The following MICAL2 variants were observed in gnomAD, a reference collection of about 807,000 sequenced individuals.
MICAL2 encodes microtubule associated monooxygenase, calponin and LIM domain containing 2.
MICAL2 carries 77 observed loss-of-function variants against 127.3 expected under a neutral mutation model. The observed-to-expected ratio is 0.60, with a 90% CI of 0.50 to 0.73. The LOEUF (loss-of-function observed/expected upper bound fraction) is 0.73. Ranked by LOEUF, MICAL2 falls within the 30% of genes least tolerant of loss-of-function variation. The pLI, the probability that MICAL2 is intolerant of heterozygous loss-of-function variation, is 0.00. For synonymous variants in MICAL2, 570 were observed against 551.1 expected (o/e 1.03, Z -0.48); for missense variants, 1,351 against 1,434.4 (o/e 0.94, Z 0.94).
intron 3 of MICAL2, among the ~76,000 whole-genome samples, chr11:12,168,249 CAT>C (rs139752162): frequency 0.023 from 3,495 of 151,558 alleles, 60 homozygotes; most frequent in Non-Finnish European, 0.035. Context: ...CACATACACA[CAT>C]AGATACACAA....
chr11:12,209,073 T>C (rs1002980531), intron 5 of MICAL2, among the ~76,000 whole-genome samples: 5 of 152,190 alleles, frequency 3.3e-5, no homozygotes, highest in African/African-American at 1.2e-4. Flanking sequence ...ATTTTGAGCA[T>C]ACAATAGAAA....
Position 12,304,086 on chromosome 11 carries a change from A to G in MICAL2, c.5212+9229A>G, listed in dbSNP as rs189920167. The stretch of plus-strand genomic sequence containing the variant: ...TGATATGATTTTTGAAATTGGTGGT[A>G]AATAAAATATATTAAAATTAATTTT... On this transcript the variant is annotated intron_variant, in intron 29 of 34. Coordinates refer to the MICAL2 transcript ENST00000646065. Among the ~76,000 whole-genome samples the G allele has an allele frequency of 3.9e-5, 6 of 152,368 alleles. No individual in the cohort carries two copies. In the East Asian group the frequency reaches 9.6e-4, roughly 24 times the overall value.
chr11:12,276,139 G>A (rs373035049), exon 1 of MICAL2: 38 of 399,252 alleles, frequency 9.5e-5, no homozygotes, highest in African/African-American at 2.9e-4. Context: ...CTGGCTGTGC[G>A]TGTCCTGGTC....
intron 7 of MICAL2, among the ~76,000 whole-genome samples, chr11:12,214,957 A>C (rs527715432): frequency 4.3e-4 from 66 of 152,332 alleles, no homozygotes; most frequent in African/African-American, 1.5e-3. Context: ...TTAGTTGTTG[A>C]GCAAGATTGT....
intron 1 of MICAL2, among the ~76,000 whole-genome samples, chr11:12,279,491 C>G (rs373883874): frequency 6.6e-6 from 1 of 152,198 alleles, no homozygotes; most frequent in African/African-American, 2.4e-5. Context: ...CTGGATCACA[C>G]AGCCTTCAGA....
At chr11:12,152,116 C>T (rs529788627) in intron 2 of MICAL2, among the ~76,000 whole-genome samples, 39 of 144,678 alleles carry the variant, frequency 2.7e-4, no homozygotes, top group African/African-American at 9.2e-4. Flanking sequence ...GGTGAAACCC[C>T]GTCTCTACTA....
At chr11:12,324,101 G>T in intron 31 of MICAL2, 1 of 1,596,302 alleles carries the variant, frequency 6.3e-7, no homozygotes, top group Non-Finnish European at 8.5e-7. Flanking sequence ...TGAGTGAGTG[G>T]GCCTGGGTCC....
chr11:12,147,217 A>AT (rs1232046905), intron 2 of MICAL2, among the ~76,000 whole-genome samples: 1 of 151,878 alleles, frequency 6.6e-6, no homozygotes, highest in East Asian at 1.9e-4. Context: ...AATAATAATA[A>AT]AAAAAAGAAA....
intron 16 of MICAL2, 23 bp from the exon 17 acceptor site, chr11:12,239,413 G>A: frequency 1.2e-6 from 2 of 1,613,552 alleles, no homozygotes; most frequent in Non-Finnish European, 1.7e-6. Flanking sequence ...CCAACCATCA[G>A]TGTCCCGTTT....
chr11:12,122,328 T>C (rs547013006), intron 1 of MICAL2, among the ~76,000 whole-genome samples: 1 of 152,238 alleles, frequency 6.6e-6, no homozygotes, highest in African/African-American at 2.4e-5. Context: ...ACAGGAGCCT[T>C]GGAGCACAGA....
chr11:12,248,819 A>G (rs1459131148), intron 21 of MICAL2, among the ~76,000 whole-genome samples: 1 of 71,646 alleles, frequency 1.4e-5, no homozygotes, highest in Non-Finnish European at 3.2e-5. Context: ...TCCTCCTTCT[A>G]TCCTGGGAAT....
chr11:12,150,525 G>A (rs1339265969), intron 2 of MICAL2, among the ~76,000 whole-genome samples: 2 of 152,166 alleles, frequency 1.3e-5, no homozygotes, highest in South Asian at 2.1e-4. Flanking sequence ...GCTGCTCTGG[G>A]TGGGGCGGCT....
chr11:12,340,046 TTCAGCCATCTTGGCTCTACCTTC>T (rs1237492525), intron 32 of MICAL2, among the ~76,000 whole-genome samples: 1 of 152,222 alleles, frequency 6.6e-6, no homozygotes, highest in Non-Finnish European at 1.5e-5. Flanking sequence ...GCTGTTCCAA[TTCAGCCATCTTGGCTCTACCTTC>T]CAGAATATTT....
intron 1 of MICAL2, chr11:12,116,805 T>C (rs1400113736): frequency 2.0e-5 from 3 of 152,232 alleles, no homozygotes; most frequent in African/African-American, 4.8e-5. Context: ...GTGATGACCA[T>C]GTATGGAATA....
intron 2 of MICAL2, among the ~76,000 whole-genome samples, chr11:12,281,332 C>G (rs951719407): frequency 1.3e-5 from 2 of 152,306 alleles, no homozygotes; most frequent in African/African-American, 4.8e-5. Context: ...GAAGACATCA[C>G]GGGGACTGGC....
chr11:12,325,835 C>A (rs1212248436), intron 31 of MICAL2, among the ~76,000 whole-genome samples: 2 of 152,184 alleles, frequency 1.3e-5, no homozygotes, highest in Non-Finnish European at 2.9e-5. Context: ...CTCTAAGAAC[C>A]AGATAGCTGT....
At chr11:12,331,627 C>G (rs903264410) in intron 32 of MICAL2, among the ~76,000 whole-genome samples, 1 of 152,172 alleles carries the variant, frequency 6.6e-6, no homozygotes, top group African/African-American at 2.4e-5. Context: ...GTGTCCTGGA[C>G]AGAGCACAGG....
intron 1 of MICAL2, among the ~76,000 whole-genome samples, chr11:12,111,794 C>A (rs185875761): frequency 2.7e-4 from 41 of 152,316 alleles, no homozygotes; most frequent in African/African-American, 9.4e-4. Context: ...GGCGAATTGG[C>A]CCTCCAGTGT....
intron 22 of MICAL2, chr11:12,254,336 C>G (rs1185246405): frequency 6.6e-6 from 1 of 152,268 alleles, no homozygotes; most frequent in Non-Finnish European, 1.5e-5. Context: ...AGGAACTGAG[C>G]TCAGAAGTTC....
Sources: allele counts gnomAD v4.1 joint callset (sites outside exome capture counted in the v4.1 genomes callset), GRCh38; gene constraint gnomAD v4.1.1; transcripts MANE v1.5; gene names NCBI Gene and HGNC (gene_info 2026-07-23, HGNC 2026-07-21).